Variants in CCNB3 observed in about 807,000 individuals in gnomAD.
The protein encoded by CCNB3 is G2/mitotic-specific cyclin-B3.
Under a neutral mutation model 68.0 loss-of-function variants are expected in CCNB3, and 12 were observed. The observed-to-expected ratio is 0.18, with a 90% confidence interval of 0.11 to 0.29. CCNB3 has a LOEUF of 0.29. Ranked by LOEUF, CCNB3 falls within the 10% of genes least tolerant of loss-of-function variation. CCNB3 has a pLI of 1.00. For missense variants in CCNB3, 904 were observed against 993.1 expected, an observed-to-expected ratio of 0.91 and a Z score of 1.21; for synonymous variants, 354 against 388.9, an observed-to-expected ratio of 0.91 and a Z score of 1.06.
chrX:50,327,043 A>G (rs936139724), intron 8 of CCNB3, among the ~76,000 whole-genome samples: 1 of 112,144 alleles, frequency 8.9e-6, no homozygotes, highest in Admixed American at 9.4e-5. Flanking sequence ...TTTCTGAAGA[A>G]TTGGAAGAGT....
chrX:50,323,336 G>A (rs1283473876), intron 8 of CCNB3, among the ~76,000 whole-genome samples: 1 of 106,714 alleles, frequency 9.4e-6, no homozygotes, highest in Non-Finnish European at 1.9e-5. Context: ...ACCAAACACC[G>A]CATGTTCTCA....
chrX:50,322,874 A>G lies in CCNB3; in HGVS notation c.3516+8926A>G, dbSNP rs1183243640. Among the ~76,000 whole-genome samples the G allele has an allele frequency of 3.6e-5, 4 of 111,297 alleles. No individual in the cohort carries two copies. The East Asian group carries it at 1.1e-3, about 32-fold the overall frequency. On this transcript the variant is annotated intron_variant, in intron 8 of 12. Transcript: ENST00000376042. ...CAAATCAAAACCACAATGAGATACC[A>G]TCTCACACCAGTTAGAATGGCGATC...
At chrX:50,291,792 A>G (rs782655415) in intron 4 of CCNB3, among the ~76,000 whole-genome samples, 98 of 111,686 alleles carry the variant, frequency 8.8e-4, no homozygotes, top group African/African-American at 3.1e-3. Context: ...CTTTAGGTGA[A>G]GTTAAAATGG....
chrX:50,216,296 T>A (rs1284341321), intron 1 of CCNB3, among the ~76,000 whole-genome samples: 7 of 106,832 alleles, frequency 6.6e-5, no homozygotes, highest in Non-Finnish European at 1.3e-4. Flanking sequence ...TGAGACAGAG[T>A]CTCACTCTGT....
chrX:50,219,175 T>G (rs1260500813), intron 1 of CCNB3, among the ~76,000 whole-genome samples: 1 of 111,887 alleles, frequency 8.9e-6, no homozygotes, highest in Non-Finnish European at 1.9e-5. Flanking sequence ...TATTAGCCCT[T>G]TGTCAGATGG....
intron 7 of CCNB3, 113 bp from the exon 8 acceptor site, chrX:50,313,743 A>T: frequency 1.9e-6 from 1 of 527,999 alleles, no homozygotes; most frequent in Non-Finnish European, 3.1e-6. Context: ...CCCCTCTCTA[A>T]TACCAGTTGA....
At chrX:50,301,430 C>T (rs1166633250) in intron 5 of CCNB3, among the ~76,000 whole-genome samples, 19 of 111,470 alleles carry the variant, frequency 1.7e-4, no homozygotes, top group East Asian at 1.1e-3. Context: ...GTATCAGCAG[C>T]GGTGGCTGCA....
At chrX:50,279,486 C>T (rs1172375129) in intron 1 of CCNB3, among the ~76,000 whole-genome samples, 2 of 74,575 alleles carry the variant, frequency 2.7e-5, no homozygotes, top group African/African-American at 5.3e-5. Context: ...ATGAAATATT[C>T]ATATATAAAT....
At chrX:50,345,208 C>G (rs1557220130) in intron 9 of CCNB3, among the ~76,000 whole-genome samples, 2 of 109,014 alleles carry the variant, frequency 1.8e-5, no homozygotes, top group African/African-American at 3.4e-5. Flanking sequence ...TTGAGCCCTC[C>G]CTCACTCTGT....
chrX:50,287,995 G>A lies in CCNB3; in HGVS notation c.97-785G>A, dbSNP rs782102185. 2.3e-4 allele frequency among the ~76,000 whole-genome samples: 25 copies of A among 107,968 alleles called. No homozygotes were observed. In the South Asian group the frequency reaches 3.7e-3, roughly 16 times the overall value. 93.8% of individuals were successfully genotyped at this position (107,968 alleles called of 115,157 possible). The stretch of plus-strand genomic sequence containing the variant: ...TGCTCATGCGAGGGATCAAGGTTGC[G>A]CGCTCCTTATGAGAATCTAATGCCT... On this transcript the variant is annotated intron_variant, in intron 3 of 12. Coordinates refer to ENST00000376042, the MANE Select transcript of CCNB3 (RefSeq NM_033031.3).
At chrX:50,303,903 G>A (rs1449747730) in intron 5 of CCNB3, among the ~76,000 whole-genome samples, 1 of 111,344 alleles carries the variant, frequency 9.0e-6, no homozygotes, top group Non-Finnish European at 1.9e-5. Flanking sequence ...AGAAACCACT[G>A]CCAAATCCCA....
intron 8 of CCNB3, among the ~76,000 whole-genome samples, chrX:50,320,586 CTAATTTTTATAATTTTA>C (rs1330432486): frequency 9.1e-6 from 1 of 109,408 alleles, no homozygotes; most frequent in African/African-American, 3.3e-5. Flanking sequence ...CATATCTGCT[CTAATTTTTATAATTTTA>C]TAATTTTTAT....
At chrX:50,296,082 A>C (rs782377212) in intron 5 of CCNB3, among the ~76,000 whole-genome samples, 1 of 110,637 alleles carries the variant, frequency 9.0e-6, no homozygotes, top group South Asian at 3.9e-4. Context: ...TTTTCTTTTG[A>C]ATTTCTTTCA....
intron 11 of CCNB3, among the ~76,000 whole-genome samples, chrX:50,348,837 G>T (rs1923533351): frequency 8.9e-6 from 1 of 112,396 alleles, no homozygotes; most frequent in Admixed American, 9.4e-5. Context: ...GAATGGGCGT[G>T]GCCACAGCTC....
chrX:50,226,626 A>T lies in CCNB3; in HGVS notation c.-113+21676A>T, dbSNP rs1222497795. Among the ~76,000 whole-genome samples, 412 of 81,810 alleles carry T rather than the reference A, an allele frequency of 5.0e-3. 5 individuals are homozygous for T. The highest frequency in any genetic ancestry group is 0.018 in the African/African-American group (382 of 20,982). The allele number at this position is 81,810 out of a possible 115,157, so 71.0% of individuals were successfully genotyped here. A position where few individuals can be genotyped will look rare whatever the true frequency, so the allele number is the denominator to read the frequency against. ...ATATATCTATAAATATATATATAGA[A>T]TATATCTATAAATATATATATAGAA... On this transcript the variant is annotated intron_variant, in intron 1 of 12. Coordinates refer to ENST00000376042, the MANE Select transcript of CCNB3 (RefSeq NM_033031.3).
In CCNB3 at chrX:50,311,098, G is replaced by A. The variant is rs140636979; in HGVS notation, c.2929G>A (p.Val977Met). The A allele has an allele frequency of 2.5e-6, 3 of 1,207,321 alleles. No individual in the cohort carries two copies. Among genetic ancestry groups the A allele is most frequent in the African/African-American group, 3.6e-5 (2 of 56,225 alleles). ...LVPQVGTSPN[V>M]SSTAPESITS... Reference sequence around the variant, plus strand: ...CCCCCAAGTTGGAACCAGCCCAAATGTGTCTAGCACTGCCCCTGAATCCAT... The same window carrying A: ...CCCCCAAGTTGGAACCAGCCCAAATATGTCTAGCACTGCCCCTGAATCCAT... The change falls in exon 6 of 13, where the codon GTG (valine) becomes ATG (methionine). Residue 977 changes from valine to methionine, a missense_variant. Around this residue, in one of 2 missense-constraint regions of CCNB3, gnomAD observed 285 missense variants for 383.4 expected, o/e 0.74. Coordinates refer to ENST00000376042, the MANE Select transcript of CCNB3 (RefSeq NM_033031.3).
At chrX:50,344,699 G>C (rs1214690772) in intron 9 of CCNB3, among the ~76,000 whole-genome samples, 2 of 111,714 alleles carry the variant, frequency 1.8e-5, no homozygotes, top group Non-Finnish European at 3.8e-5. Context: ...GGGTGCTGGA[G>C]ACATTTAAGA....
In CCNB3 at chrX:50,315,200, A is replaced by G. The variant is rs188912132; in HGVS notation, c.3516+1252A>G. ...CCAGGTCCTATCCCAGACTTATCCA[A>G]TCAGAATTGTGGGGATGTGGCCCAG... On this transcript the variant is annotated intron_variant, in intron 8 of 12. Transcript: ENST00000376042. Among the ~76,000 whole-genome samples the G allele has an allele frequency of 2.6e-3, 289 of 111,109 alleles. 4 individuals are homozygous for G. Among genetic ancestry groups the G allele is most frequent in the African/African-American group, 9.2e-3 (282 of 30,635 alleles).
At chrX:50,312,040 G>A (rs1246150890) in intron 6 of CCNB3, among the ~76,000 whole-genome samples, 1 of 110,266 alleles carries the variant, frequency 9.1e-6, no homozygotes, top group Non-Finnish European at 1.9e-5. Flanking sequence ...GTTCATAGGA[G>A]CATCTCCCAA....
Sources: allele counts gnomAD v4.1 joint callset (sites outside exome capture counted in the v4.1 genomes callset), GRCh38; gene constraint gnomAD v4.1.1; regional missense constraint gnomAD v4.1.1; transcripts MANE v1.5; gene names NCBI Gene and HGNC (gene_info 2026-07-23, HGNC 2026-07-21).